FARP1: variants seen among roughly 807,000 people sequenced by gnomAD.
FARP1 encodes the protein FERM, ARHGEF and pleckstrin domain-containing protein 1.
Under a neutral mutation model 128.8 loss-of-function variants are expected in FARP1, and 52 were observed. The observed-to-expected ratio is 0.40, with a 90% CI of 0.32 to 0.51. FARP1 has a LOEUF of 0.51. Ranked by LOEUF, FARP1 falls within the 20% of genes least tolerant of loss-of-function variation. The probability of loss-of-function intolerance (pLI) is 0.45; values close to 1 mark genes in which losing one functional copy is unlikely to be tolerated. For missense variants in FARP1, 1,333 were observed against 1,367.9 expected, an observed-to-expected ratio of 0.97 and a Z score of 0.40; for synonymous variants, 580 against 551.8, an observed-to-expected ratio of 1.05 and a Z score of -0.72.
At chr13:98,236,274 C>T (rs1242630895) in intron 2 of FARP1, among the ~76,000 whole-genome samples, 3 of 152,146 alleles carry the variant, frequency 2.0e-5, no homozygotes, top group Non-Finnish European at 4.4e-5. Context: ...ATATGGAGCT[C>T]TCCATCTAAG....
intron 13 of FARP1, chr13:98,401,215 G>A (rs1890748785): frequency 6.6e-6 from 1 of 151,988 alleles, no homozygotes; most frequent in South Asian, 2.1e-4. Flanking sequence ...GAATTTACTG[G>A]TACTGTTTTT....
At chr13:98,267,013 C>CA (rs368229193) in intron 2 of FARP1, among the ~76,000 whole-genome samples, 1,542 of 63,324 alleles carry the variant, frequency 0.024, 45 homozygotes, top group East Asian at 0.042. Context: ...ACTCCCATCT[C>CA]AAAAAAAAAA....
chr13:98,441,198 G>A (rs1441636241), intron 24 of FARP1, among the ~76,000 whole-genome samples: 1 of 152,220 alleles, frequency 6.6e-6, no homozygotes, highest in African/African-American at 2.4e-5. Flanking sequence ...TTCCATGGCT[G>A]TCATGTCCTG....
intron 2 of FARP1, among the ~76,000 whole-genome samples, chr13:98,261,426 AT>A (rs1374438118): frequency 6.6e-6 from 1 of 151,984 alleles, no homozygotes; most frequent in Admixed American, 6.6e-5. Context: ...CTTTTGGTCC[AT>A]AGCATCTTAC....
intron 3 of FARP1, among the ~76,000 whole-genome samples, chr13:98,363,578 A>T (rs1888960952): frequency 6.6e-6 from 1 of 152,060 alleles, no homozygotes; most frequent in South Asian, 2.1e-4. Flanking sequence ...TGCCTGAATC[A>T]TCTCAGCGCC....
intron 13 of FARP1, chr13:98,405,283 CA>C (rs1890930332): frequency 6.6e-6 from 1 of 152,204 alleles, no homozygotes; most frequent in Non-Finnish European, 1.5e-5. Flanking sequence ...TTTTAAATTA[CA>C]AAGAGAGAGC....
chr13:98,201,302 C>T (rs1176991963), intron 1 of FARP1, among the ~76,000 whole-genome samples: 1 of 152,158 alleles, frequency 6.6e-6, no homozygotes, highest in Non-Finnish European at 1.5e-5. Context: ...CCTACGTGGG[C>T]ATGGTAGCAG....
At chr13:98,411,050 C>T (rs567147523) in intron 15 of FARP1, among the ~76,000 whole-genome samples, 1 of 152,200 alleles carries the variant, frequency 6.6e-6, no homozygotes, top group Non-Finnish European at 1.5e-5. Flanking sequence ...AAGGAAGTTC[C>T]TAAGGCAGAG....
chr13:98,444,514 C>T (rs1892696774), intron 24 of FARP1, among the ~76,000 whole-genome samples: 1 of 152,168 alleles, frequency 6.6e-6, no homozygotes, highest in South Asian at 2.1e-4. Flanking sequence ...GCCTCGGCCT[C>T]CTGAGTGCAG....
chr13:98,409,613 A>G, intron 14 of FARP1, 88 bp downstream of exon 14: 2 of 1,236,364 alleles, frequency 1.6e-6, no homozygotes, highest in Non-Finnish European at 2.2e-6. Flanking sequence ...AATATACATA[A>G]GAGCAAAGGT....
chr13:98,198,891 C>CCCGCTCCCG (rs1879748670), intron 1 of FARP1, among the ~76,000 whole-genome samples: 1 of 124,524 alleles, frequency 8.0e-6, no homozygotes, highest in Non-Finnish European at 1.7e-5. Flanking sequence ...CTCAACCCTC[C>CCCGCTCCCG]CTGCTCCGCT....
intron 5 of FARP1, among the ~76,000 whole-genome samples, chr13:98,374,939 G>A (rs1430016849): frequency 6.6e-6 from 1 of 152,170 alleles, no homozygotes. Context: ...GGAAGTAACA[G>A]AGTGAGAACT....
Position 98,176,346 on chromosome 13 carries a change from G to T in FARP1, c.-24+32854G>T. On this transcript the variant is annotated intron_variant, in intron 1 of 26. Coordinates refer to ENST00000319562, the MANE Select transcript of FARP1 (RefSeq NM_005766.4). The surrounding 1 kb of genome is among the most constrained non-coding windows in gnomAD (Gnocchi z 6.2). ...CTTTGGCGGGGTTAAAGATGCCGCC[G>T]GTTGGCTGGTCACAGATGTAGCAGC... 1 of 1,614,018 alleles carries T rather than the reference G, an allele frequency of 6.2e-7. No homozygotes were observed. Among genetic ancestry groups the T allele is most frequent in the Non-Finnish European group, 8.5e-7 (1 of 1,179,868 alleles).
intron 2 of FARP1, among the ~76,000 whole-genome samples, chr13:98,242,455 C>G (rs1279534130): frequency 1.3e-5 from 2 of 152,132 alleles, no homozygotes; most frequent in Non-Finnish European, 2.9e-5. Context: ...GTGAGAAGAT[C>G]TCTTATGGCC....
intron 9 of FARP1, among the ~76,000 whole-genome samples, chr13:98,388,724 G>A (rs1340408281): frequency 6.6e-6 from 1 of 152,198 alleles, no homozygotes; most frequent in Non-Finnish European, 1.5e-5. Flanking sequence ...CTGGGGAGAG[G>A]GTCATTTCCC....
intron 2 of FARP1, among the ~76,000 whole-genome samples, chr13:98,233,047 G>A (rs1169478701): frequency 3.3e-5 from 5 of 152,186 alleles, no homozygotes; most frequent in Non-Finnish European, 7.3e-5. Flanking sequence ...TTGCCTGGGG[G>A]TAACTATCCA....
chr13:98,448,102 T>C (rs1892969628), intron 26 of FARP1, 134 bp from the exon 27 acceptor site: 3 of 729,660 alleles, frequency 4.1e-6, no homozygotes, highest in Non-Finnish European at 7.3e-6. Flanking sequence ...GCTGTTCCCT[T>C]GCTCTTCTGC....
chr13:98,448,447 G>T lies in FARP1; in HGVS notation c.*130G>T. ...AACATGGCTTCCCAGCAGCTCTCCT[G>T]TCTCCACAGCCGCGTTTTTTAACCC... On this transcript the variant is annotated 3_prime_UTR_variant, in exon 27 of 27. Transcript: ENST00000319562. 1.3e-6 allele frequency: 1 copy of T among 760,308 alleles called. No homozygotes were observed. The highest frequency in any genetic ancestry group is 2.2e-5 in the Admixed American group (1 of 45,646). The allele number at this position is 760,308 out of a possible 1,614,324, so 47.1% of individuals were successfully genotyped here. A position where few individuals can be genotyped will look rare whatever the true frequency, so the allele number is the denominator to read the frequency against.
chr13:98,347,510 G>A (rs1304669595), intron 3 of FARP1, among the ~76,000 whole-genome samples: 3 of 151,132 alleles, frequency 2.0e-5, no homozygotes, highest in Non-Finnish European at 2.9e-5. Context: ...TTGTCTTTTC[G>A]TGACTGGCTT....
Sources: allele counts gnomAD v4.1 joint callset (sites outside exome capture counted in the v4.1 genomes callset), GRCh38; gene constraint gnomAD v4.1.1; non-coding constraint Gnocchi (gnomAD v3.1); transcripts MANE v1.5; gene names NCBI Gene and HGNC (gene_info 2026-07-23, HGNC 2026-07-21).